Variants in RNF114 observed in about 807,000 individuals in gnomAD.
The protein encoded by RNF114 is E3 ubiquitin-protein ligase RNF114.
A neutral mutation model predicts 28.4 loss-of-function variants in RNF114; 6 were observed. That is an observed-to-expected ratio of 0.21 (90% CI 0.12 to 0.42). The LOEUF (loss-of-function observed/expected upper bound fraction) is 0.42. RNF114 is among the 10% of genes least tolerant of loss of function. RNF114 has a pLI of 1.00. For synonymous variants in RNF114, 115 were observed against 116.7 expected (o/e 0.99, Z 0.09); for missense variants, 249 against 311.7 (o/e 0.80, Z 1.51).
intron 4 of RNF114, among the ~76,000 whole-genome samples, chr20:49,948,481 A>G (rs1407485369): frequency 6.8e-6 from 1 of 146,650 alleles, no homozygotes; most frequent in Non-Finnish European, 1.5e-5. Context: ...CCCAGGCTGG[A>G]GGCTGGAGTG....
chr20:49,950,264 A>G (rs1377187701), intron 5 of RNF114, among the ~76,000 whole-genome samples: 2 of 151,484 alleles, frequency 1.3e-5, no homozygotes, highest in African/African-American at 4.8e-5. Context: ...AAACAAGAAG[A>G]TGATCTGGTC....
intron 1 of RNF114, among the ~76,000 whole-genome samples, chr20:49,940,043 G>A (rs915709333): frequency 3.4e-5 from 4 of 116,038 alleles, no homozygotes; most frequent in Admixed American, 1.2e-4. Context: ...AACAGAGCAC[G>A]ACTCTGTCTC....
Position 49,936,482 on chromosome 20 carries a change from C to T in RNF114, c.70C>T (p.Leu24=), listed in dbSNP as rs748017674. Residue 24 remains leucine, a synonymous_variant, in exon 1 of 6, where the codon CTA becomes TTA. Coordinates refer to ENST00000244061, the MANE Select transcript of RNF114 (RefSeq NM_018683.4). ...GGGGCCGGCGGCGGAGGCTGACCCC[C>T]TAGGACGCTTCACGTGTCCCGTGTG... ...LAGPAAEADP[L]GRFTCPVCLE... is the part of the protein sequence containing the mutation. The T allele has an allele frequency of 3.2e-6, 5 of 1,563,716 alleles. No homozygotes were observed. Among genetic ancestry groups the T allele is most frequent in the East Asian group, 2.4e-5 (1 of 41,214 alleles).
chr20:49,942,904 C>T (rs1243457524), intron 2 of RNF114, among the ~76,000 whole-genome samples: 1 of 152,178 alleles, frequency 6.6e-6, no homozygotes, highest in Non-Finnish European at 1.5e-5. Flanking sequence ...TTTTTACCAA[C>T]CAAGTTGTAG....
chr20:49,937,928 A>G (rs961840467), intron 1 of RNF114, among the ~76,000 whole-genome samples: 3 of 152,202 alleles, frequency 2.0e-5, no homozygotes, highest in Non-Finnish European at 4.4e-5. Context: ...TTCAGAGTTT[A>G]CAGTCCAGTG....
intron 4 of RNF114, 107 bp from the exon 5 acceptor site, chr20:49,949,141 G>C (rs370192121): frequency 2.4e-6 from 2 of 849,246 alleles, no homozygotes; most frequent in African/African-American, 1.7e-5. Context: ...GCCCTGGACA[G>C]TATGTCAGGA....
In RNF114 at chr20:49,949,333, G is replaced by A. The variant is rs201214258; in HGVS notation, c.599G>A (p.Arg200Gln). The change falls in exon 5 of 6, where the codon CGG (arginine) becomes CAG (glutamine). Residue 200 changes from arginine to glutamine, a missense_variant. This residue lies in a region of RNF114 where 126 missense variants were observed against 205.3 expected (regional missense o/e 0.61). Coordinates refer to ENST00000244061, the MANE Select transcript of RNF114 (RefSeq NM_018683.4). ...AGAGAGCACATCCAGCGCCGGCACCGGTTTTCTTATGACACTTTTGTGGTA... is the reference window on the plus strand; with the variant it reads ...AGAGAGCACATCCAGCGCCGGCACCAGTTTTCTTATGACACTTTTGTGGTA... ...NFREHIQRRH[R>Q]FSYDTFVDYD... The A allele has an allele frequency of 6.8e-5, 109 of 1,613,804 alleles. No individual in the cohort carries two copies. Among genetic ancestry groups the A allele is most frequent in the Middle Eastern group, 5.1e-4 (3 of 5,880 alleles).
intron 2 of RNF114, chr20:49,943,974 C>G (rs144709831): frequency 6.6e-6 from 1 of 151,278 alleles, no homozygotes; most frequent in Admixed American, 6.6e-5. Flanking sequence ...GTGACCCGCC[C>G]GCCTCAGCCT....
In RNF114 at chr20:49,941,749, A is replaced by G. The variant is rs761583591; in HGVS notation, c.291+38A>G. On this transcript the variant is annotated intron_variant, in intron 2 of 5. Transcript: ENST00000244061. ...GATGTGGAAGAGTCCATGTCTTTCCATGATAAGTTGGGGTAAAACGTACAG... is the reference window on the plus strand; with the variant it reads ...GATGTGGAAGAGTCCATGTCTTTCCGTGATAAGTTGGGGTAAAACGTACAG... 2.5e-6 allele frequency: 4 copies of G among 1,596,746 alleles called. No homozygotes were observed. In the East Asian group the frequency reaches 6.7e-5, roughly 27 times the overall value.
At chr20:49,940,356 T>A (rs1002864643) in intron 1 of RNF114, among the ~76,000 whole-genome samples, 1 of 151,388 alleles carries the variant, frequency 6.6e-6, no homozygotes, top group Non-Finnish European at 1.5e-5. Context: ...ATCTCACACA[T>A]GCACATGAAC....
rs2090357766 is a variant in RNF114, at chr20:49,952,199, G to A, written c.*58G>A. 9 of 1,462,266 alleles carry A rather than the reference G, an allele frequency of 6.2e-6. No homozygotes were observed. The highest frequency in any genetic ancestry group is 6.7e-6 in the Non-Finnish European group (7 of 1,041,662). The allele number at this position is 1,462,266 out of a possible 1,614,324, so 90.6% of individuals were successfully genotyped here. ...ACAGAGCTTCCATTACATATTAAAC[G>A]TGAAATCTATGACTCCTGTACCTTA... On this transcript the variant is annotated 3_prime_UTR_variant, in exon 6 of 6. Transcript: ENST00000244061.
intron 2 of RNF114, chr20:49,943,831 TATACACACAC>T (rs2090317356): frequency 8.7e-6 from 1 of 115,510 alleles, no homozygotes; most frequent in African/African-American, 3.1e-5. Flanking sequence ...GCTATATATA[TATACACACAC>T]ACACACACAC....
At chr20:49,940,772 C>G (rs929917766) in intron 1 of RNF114, among the ~76,000 whole-genome samples, 23 of 151,550 alleles carry the variant, frequency 1.5e-4, no homozygotes, top group East Asian at 1.4e-3. Flanking sequence ...CCCTCCACCC[C>G]CCCCTTGAGA....
Position 49,945,789 on chromosome 20 carries a change from C to T in RNF114, c.398+301C>T, listed in dbSNP as rs532265508. The stretch of plus-strand genomic sequence containing the variant: ...CAAGCGATTCTCCTGCCTCAACCTC[C>T]CAAGTAGCTGGGATTACAGGCACCT... On this transcript the variant is annotated intron_variant, in intron 3 of 5. Transcript: ENST00000244061. Among the ~76,000 whole-genome samples the T allele has an allele frequency of 3.9e-5, 6 of 152,328 alleles. No homozygotes were observed. The South Asian group carries it at 1.2e-3, about 32-fold the overall frequency.
chr20:49,951,662 G>A (rs557190108), intron 5 of RNF114, among the ~76,000 whole-genome samples: 199 of 152,286 alleles, frequency 1.3e-3, no homozygotes, highest in Non-Finnish European at 2.1e-3. Context: ...GGTGGATCAC[G>A]AGGTCAAGAG....
intron 4 of RNF114, among the ~76,000 whole-genome samples, chr20:49,947,935 G>T (rs1363598696): frequency 6.6e-6 from 1 of 151,380 alleles, no homozygotes; most frequent in Non-Finnish European, 1.5e-5. Context: ...GGGACTACAG[G>T]TGCGCGCCAC....
rs750716975 is a variant in RNF114, at chr20:49,949,229, C to G, written c.514-19C>G. ...AGCTTGGAAATTGGGTGCCTAAGAC[C>G]TTGCTTTTGTGTTGAAAGGTTTGTC... On this transcript the variant is annotated intron_variant, in intron 4 of 5. Transcript: ENST00000244061. The G allele has an allele frequency of 7.7e-5, 124 of 1,610,830 alleles. No homozygotes were observed. Among genetic ancestry groups the G allele is most frequent in the Non-Finnish European group, 1.0e-4 (118 of 1,177,174 alleles).
At chr20:49,941,163 G>C (rs2146854539) in intron 1 of RNF114, 1 of 161,608 alleles carries the variant, frequency 6.2e-6, no homozygotes, top group African/African-American at 2.4e-5. Flanking sequence ...TTTTGTAAGG[G>C]CTGGACACTC....
At chr20:49,942,923 C>T (rs1346866896) in intron 2 of RNF114, among the ~76,000 whole-genome samples, 2 of 152,124 alleles carry the variant, frequency 1.3e-5, no homozygotes, top group African/African-American at 4.8e-5. Flanking sequence ...AGGATTTTTG[C>T]AAAATGAGAT....
Sources: allele counts gnomAD v4.1 joint callset (sites outside exome capture counted in the v4.1 genomes callset), GRCh38; gene constraint gnomAD v4.1.1; regional missense constraint gnomAD v4.1.1; transcripts MANE v1.5; gene names NCBI Gene and HGNC (gene_info 2026-07-23, HGNC 2026-07-21).